The following VAV3 variants were observed in gnomAD, a reference collection of about 807,000 sequenced individuals.
The protein encoded by VAV3 is guanine nucleotide exchange factor VAV3.
VAV3 carries 94 observed loss-of-function variants against 131.2 expected under a neutral mutation model. The observed-to-expected ratio is 0.72, with a 90% CI of 0.61 to 0.85. The LOEUF (loss-of-function observed/expected upper bound fraction) is 0.85. Among genes scored for constraint, VAV3 ranks in the 40% least tolerant of loss-of-function variants. The pLI is 0.00. For synonymous variants in VAV3, 349 were observed against 342.0 expected (o/e 1.02, Z -0.22); for missense variants, 939 against 1,002.7 (o/e 0.94, Z 0.86).
chr1:107,576,419 G>C (rs535511057), intron 25 of VAV3: 2 of 1,524,482 alleles, frequency 1.3e-6, no homozygotes, highest in Admixed American at 4.1e-5. Flanking sequence ...GAAGAAGGGG[G>C]AACAAAGCTG....
intron 1 of VAV3, among the ~76,000 whole-genome samples, chr1:107,912,064 T>TGG (rs1261700531): frequency 3.4e-4 from 51 of 152,172 alleles, no homozygotes; most frequent in African/African-American, 1.2e-3. Context: ...TTTGTTTGTG[T>TGG]GTGTGTGTGC....
At chr1:107,814,489 A>G (rs188404999) in intron 2 of VAV3, among the ~76,000 whole-genome samples, 1 of 104,972 alleles carries the variant, frequency 9.5e-6, no homozygotes, top group East Asian at 2.0e-4. Context: ...CTTTTTAATG[A>G]GATTACTTAC....
intron 24 of VAV3, among the ~76,000 whole-genome samples, chr1:107,599,550 C>T (rs1341320555): frequency 6.6e-6 from 1 of 152,076 alleles, no homozygotes; most frequent in Non-Finnish European, 1.5e-5. Flanking sequence ...GTCTCGCATA[C>T]ATGAAAATTA....
intron 15 of VAV3, among the ~76,000 whole-genome samples, chr1:107,731,760 A>G (rs544773873): frequency 6.6e-6 from 1 of 152,340 alleles, no homozygotes; most frequent in East Asian, 1.9e-4. Context: ...GTTGTACGAA[A>G]GACTCAAGCA....
chr1:107,693,786 C>T (rs1253470465), intron 17 of VAV3, among the ~76,000 whole-genome samples: 1 of 152,160 alleles, frequency 6.6e-6, no homozygotes, highest in Non-Finnish European at 1.5e-5. Flanking sequence ...ATATTCCGAA[C>T]AGCAAAGGAG....
chr1:107,832,489 C>T (rs1173093836), intron 2 of VAV3, among the ~76,000 whole-genome samples: 3 of 152,236 alleles, frequency 2.0e-5, no homozygotes, highest in Non-Finnish European at 4.4e-5. Flanking sequence ...GTCCCACTGA[C>T]TGCCTTCTAT....
intron 4 of VAV3, among the ~76,000 whole-genome samples, chr1:107,776,433 T>G (rs118138494): frequency 6.6e-6 from 1 of 152,232 alleles, no homozygotes; most frequent in East Asian, 1.9e-4. Flanking sequence ...TTAGACAGGA[T>G]AGTCAGAGAA....
intron 19 of VAV3, among the ~76,000 whole-genome samples, chr1:107,644,138 G>T (rs182338734): frequency 3.0e-4 from 45 of 152,238 alleles, no homozygotes; most frequent in Admixed American, 2.4e-3. Context: ...ACTCCTCTCA[G>T]TTAAATGTTT....
At chr1:107,660,842 T>C (rs535955680) in intron 19 of VAV3, among the ~76,000 whole-genome samples, 18 of 152,260 alleles carry the variant, frequency 1.2e-4, no homozygotes, top group African/African-American at 4.1e-4. Context: ...CAAAGCATTA[T>C]GTGTTTTACA....
intron 23 of VAV3, 136 bp from the exon 24 acceptor site, chr1:107,602,620 G>A (rs1651951398): frequency 1.6e-6 from 1 of 607,758 alleles, no homozygotes; most frequent in Non-Finnish European, 2.7e-6. Flanking sequence ...CCAATACACT[G>A]GTGACAGCTA....
At chr1:107,887,696 G>A (rs1246279597) in intron 1 of VAV3, among the ~76,000 whole-genome samples, 2 of 152,112 alleles carry the variant, frequency 1.3e-5, no homozygotes, top group East Asian at 3.9e-4. Flanking sequence ...AAGCCAGGGT[G>A]TATAAGTGCC....
intron 20 of VAV3, among the ~76,000 whole-genome samples, chr1:107,634,561 G>T (rs950838365): frequency 4.0e-4 from 60 of 151,554 alleles, no homozygotes; most frequent in African/African-American, 1.4e-3. Flanking sequence ...CATAGGTATG[G>T]GCAAGGACTT....
At chr1:107,716,446 G>A (rs562262938) in intron 15 of VAV3, among the ~76,000 whole-genome samples, 14 of 152,088 alleles carry the variant, frequency 9.2e-5, no homozygotes, top group African/African-American at 1.4e-4. Context: ...AGCATGAAGC[G>A]CTGTTCAATT....
intron 1 of VAV3, among the ~76,000 whole-genome samples, chr1:107,937,405 T>A (rs775242861): frequency 6.6e-6 from 1 of 152,176 alleles, no homozygotes; most frequent in African/African-American, 2.4e-5. Flanking sequence ...CAAACTTCCA[T>A]CTCTGCCTGC....
intron 15 of VAV3, among the ~76,000 whole-genome samples, chr1:107,739,499 A>C (rs1210207295): frequency 6.6e-6 from 1 of 152,200 alleles, no homozygotes; most frequent in Non-Finnish European, 1.5e-5. Context: ...TAATGTGAAT[A>C]GGTCAGCACC....
intron 2 of VAV3, among the ~76,000 whole-genome samples, chr1:107,810,737 C>T (rs921919781): frequency 6.6e-6 from 1 of 152,032 alleles, no homozygotes; most frequent in East Asian, 1.9e-4. Flanking sequence ...TACAGCAAGG[C>T]TCCAAACACA....
At chr1:107,873,071 G>A (rs1277058483) in intron 2 of VAV3, among the ~76,000 whole-genome samples, 1 of 152,150 alleles carries the variant, frequency 6.6e-6, no homozygotes, top group Admixed American at 6.5e-5. Context: ...TGACTATAAT[G>A]TAGGTTCAAG....
chr1:107,652,540 G>A (rs1308875822), intron 19 of VAV3, among the ~76,000 whole-genome samples: 6 of 152,060 alleles, frequency 3.9e-5, no homozygotes, highest in African/African-American at 1.4e-4. Context: ...TCCTGTAACA[G>A]GTCCAGCCAA....
chr1:107,773,515 A>G (rs1254025575), intron 4 of VAV3, among the ~76,000 whole-genome samples: 1 of 152,076 alleles, frequency 6.6e-6, no homozygotes, highest in Admixed American at 6.6e-5. Flanking sequence ...CATCAACCAG[A>G]CCCTTCCTTT....
Sources: allele counts gnomAD v4.1 joint callset (sites outside exome capture counted in the v4.1 genomes callset), GRCh38; gene constraint gnomAD v4.1.1; transcripts MANE v1.5; gene names NCBI Gene and HGNC (gene_info 2026-07-23, HGNC 2026-07-21).